GSN: variants seen among roughly 807,000 people sequenced by gnomAD.
GSN encodes the protein actin-depolymerizing factor.
In GSN, 56 loss-of-function variants were observed where a neutral mutation model predicts 85.7. The ratio of observed to expected loss-of-function variants is 0.65; its 90% CI spans 0.53 to 0.82. The LOEUF is 0.82. Among genes scored for constraint, GSN ranks in the 40% least tolerant of loss-of-function variants. The pLI is 0.00. For missense variants in GSN, 857 were observed against 979.8 expected, an observed-to-expected ratio of 0.87 and a Z score of 1.67; for synonymous variants, 373 against 399.1, an observed-to-expected ratio of 0.93 and a Z score of 0.78.
chr9:121,286,482 T>C, intron 2 of GSN: 7 of 904,488 alleles, frequency 7.7e-6, no homozygotes, highest in Admixed American at 2.9e-5. Flanking sequence ...CCCAAGCCTT[T>C]GCGTCTGTTG....
chr9:121,324,662 CCT>C lies in GSN; in HGVS notation c.1416+23_1416+24del. On this transcript the variant is annotated intron_variant, in intron 12 of 17. Transcript: ENST00000432226. ...CTGTCCAGGTGAGCCCAGCCCACCG[CCT>C]CTCTGGGCTGCAGCCTGAGCCTTGT... is the stretch of plus-strand genomic sequence containing the variant. 1 of 1,243,696 alleles carries C rather than the reference CCT, an allele frequency of 8.0e-7. No homozygotes were observed. 77.0% of individuals were successfully genotyped at this position (1,243,696 alleles called of 1,614,324 possible).
At chr9:121,220,447 G>A (rs1166527649) in intron 4 of GSN, among the ~76,000 whole-genome samples, 2 of 71,642 alleles carry the variant, frequency 2.8e-5, no homozygotes, top group East Asian at 1.1e-3. Context: ...CCCAGAAGCC[G>A]AGGGGGTAGG....
chr9:121,308,213 C>T (rs1417224816), intron 4 of GSN, among the ~76,000 whole-genome samples: 5 of 152,238 alleles, frequency 3.3e-5, no homozygotes, highest in East Asian at 3.8e-4. Flanking sequence ...GAGCACTGGC[C>T]GCCCTGCTAG....
chr9:121,307,448 A>T (rs73660434), intron 4 of GSN, among the ~76,000 whole-genome samples: 337 of 152,298 alleles, frequency 2.2e-3, no homozygotes, highest in African/African-American at 7.8e-3. Context: ...CATTATGTCC[A>T]GGTGAATGAA....
chr9:121,310,742 G>T lies in GSN; in HGVS notation c.410G>T (p.Arg137Ile), dbSNP rs761093581. Residue 137 changes from arginine (R) to isoleucine (I), a missense_variant, in exon 5 of 18, where the codon AGA becomes ATA. Transcript: ENST00000432226. The part of the protein sequence containing the change: ...HVVPNEVVVQ[R>I]LFQVKGRRVV... ...GTACCCAACGAGGTGGTGGTGCAGA[G>T]ACTCTTCCAGGTCAAAGGGCGGCGT... The T allele has an allele frequency of 5.0e-6, 8 of 1,614,180 alleles. No homozygotes were observed. In the East Asian group the frequency reaches 1.8e-4, roughly 36 times the overall value.
At chr9:121,270,393 G>A (rs1438207003) in intron 1 of GSN, among the ~76,000 whole-genome samples, 1 of 152,190 alleles carries the variant, frequency 6.6e-6, no homozygotes, top group Admixed American at 6.5e-5. Flanking sequence ...AGGCAGGAAG[G>A]CCCTGAGGAG....
chr9:121,265,703 T>C (rs2055183304), upstream of GSN: 1 of 152,188 alleles, frequency 6.6e-6, no homozygotes. Flanking sequence ...AAAGAAGATA[T>C]CAAAGTTCTT....
At chr9:121,246,280 G>A (rs1269496881) in intron 5 of GSN, among the ~76,000 whole-genome samples, 2 of 152,026 alleles carry the variant, frequency 1.3e-5, no homozygotes, top group Non-Finnish European at 1.5e-5. Context: ...TTTTTAAAAA[G>A]GAGATGTGAA....
intron 2 of GSN, chr9:121,286,758 T>G (rs549496693): frequency 6.5e-7 from 1 of 1,534,872 alleles, no homozygotes; most frequent in Non-Finnish European, 8.7e-7. Context: ...TGCCACTGTG[T>G]ACAGTAGGTA....
rs1380128283 is a variant in GSN, at chr9:121,332,010, C to T, written c.2027-424C>T. On this transcript the variant is annotated intron_variant, in intron 17 of 17. Coordinates refer to ENST00000432226, the MANE Select transcript of GSN (RefSeq NM_198252.3). This position sits in a 1 kb window ranked among gnomAD's most constrained non-coding sequence, Gnocchi z 4.8. The stretch of plus-strand genomic sequence containing the variant: ...GTTCACGGCTGCTGTGAGCCATGAT[C>T]GCACCACTATACTGTAGCCTGGGTG... 19 of 245,514 alleles carry T rather than the reference C, an allele frequency of 7.7e-5. No individual in the cohort carries two copies. Among genetic ancestry groups the T allele is most frequent in the South Asian group, 1.1e-4 (2 of 17,772 alleles). The allele number at this position is 245,514 out of a possible 1,614,324, so 15.2% of individuals were successfully genotyped here.
chr9:121,300,191 G>A, intron 2 of GSN: 2 of 1,136,376 alleles, frequency 1.8e-6, no homozygotes, highest in East Asian at 2.4e-5. Context: ...TCGGGGCCCT[G>A]GCTGTTCCTT....
At chr9:121,272,503 C>T (rs893486116) in intron 1 of GSN, among the ~76,000 whole-genome samples, 2 of 152,148 alleles carry the variant, frequency 1.3e-5, no homozygotes, top group East Asian at 1.9e-4. Flanking sequence ...TACTTGGGTC[C>T]GGCATGTCTG....
At chr9:121,277,459 A>G (rs1045797422) in intron 1 of GSN, among the ~76,000 whole-genome samples, 9 of 152,292 alleles carry the variant, frequency 5.9e-5, no homozygotes, top group Non-Finnish European at 4.4e-5. Flanking sequence ...TTTGAAAACA[A>G]TCTGTTATTA....
intron 1 of GSN, among the ~76,000 whole-genome samples, chr9:121,278,137 G>A (rs570747044): frequency 2.5e-4 from 38 of 152,020 alleles, no homozygotes; most frequent in African/African-American, 7.7e-4. Context: ...GGCAGCCTGC[G>A]TTGGTGGGAA....
At chr9:121,312,511 G>A (rs761511266) in intron 6 of GSN, 23 bp downstream of exon 6, 11 of 1,594,428 alleles carry the variant, frequency 6.9e-6, no homozygotes, top group Non-Finnish European at 6.9e-6. Flanking sequence ...TGCGCAATGG[G>A]GTGGCCATGG....
Position 121,274,400 on chromosome 9 carries a change from A to G in GSN, c.-103+6181A>G, listed in dbSNP as rs544808893. On this transcript the variant is annotated intron_variant, in intron 1 of 17. Coordinates refer to ENST00000432226, the MANE Select transcript of GSN (RefSeq NM_198252.3). ...GTTTATAAACAATACTGCAATGAACAACCTAGTGCATACTTTTTTTGTGTG... is the reference window on the plus strand; with the variant it reads ...GTTTATAAACAATACTGCAATGAACGACCTAGTGCATACTTTTTTTGTGTG... Among the ~76,000 whole-genome samples, 5 of 152,308 alleles carry G rather than the reference A, an allele frequency of 3.3e-5. No individual in the cohort carries two copies. The South Asian group carries it at 8.3e-4, about 25-fold the overall frequency.
chr9:121,252,636 C>T (rs1172552401), intron 6 of GSN, among the ~76,000 whole-genome samples: 1 of 152,188 alleles, frequency 6.6e-6, no homozygotes, highest in African/African-American at 2.4e-5. Context: ...TTTCCTGCCT[C>T]ACTGTAATGA....
At chr9:121,296,950 GAT>G (rs2059279182) in intron 2 of GSN, among the ~76,000 whole-genome samples, 1 of 152,240 alleles carries the variant, frequency 6.6e-6, no homozygotes, top group Non-Finnish European at 1.5e-5. Context: ...TCCCTGGGTT[GAT>G]GGCCAGTGGC....
At chr9:121,215,814 T>A (rs2054053920) in intron 4 of GSN, among the ~76,000 whole-genome samples, 1 of 152,072 alleles carries the variant, frequency 6.6e-6, no homozygotes, top group Non-Finnish European at 1.5e-5. Flanking sequence ...TTAATTATAA[T>A]GTTTATGATT....
Sources: gnomAD v4.1 joint callset for allele counts (sites outside exome capture counted in the v4.1 genomes callset) on GRCh38, gnomAD v4.1.1 for gene constraint, Gnocchi (gnomAD v3.1) non-coding constraint, MANE v1.5 for transcripts, NCBI Gene and HGNC (gene_info 2026-07-23, HGNC 2026-07-21) for gene names.